The following PYGO1 variants were observed in gnomAD, a reference collection of about 807,000 sequenced individuals.
PYGO1 encodes pygopus family PHD finger 1.
PYGO1 carries 6 observed loss-of-function variants against 29.5 expected under a neutral mutation model. The ratio of observed to expected loss-of-function variants is 0.20; its 90% CI spans 0.11 to 0.40. The LOEUF is 0.40. Among genes scored for constraint, PYGO1 ranks in the 10% least tolerant of loss-of-function variants. PYGO1 has a pLI of 1.00. For synonymous variants in PYGO1, 186 were observed against 180.5 expected, an observed-to-expected ratio of 1.03 and a Z score of -0.24; for missense variants, 515 against 514.9, an observed-to-expected ratio of 1.00 and a Z score of 0.00.
intron 1 of PYGO1, among the ~76,000 whole-genome samples, chr15:55,560,423 C>T (rs1379318281): frequency 1.3e-5 from 2 of 152,100 alleles, no homozygotes; most frequent in African/African-American, 4.8e-5. Context: ...AATGAACTCC[C>T]ATTCACAATT....
intron 1 of PYGO1, among the ~76,000 whole-genome samples, chr15:55,572,551 TG>T (rs747648864): frequency 6.6e-6 from 1 of 152,048 alleles, no homozygotes; most frequent in African/African-American, 2.4e-5. Flanking sequence ...AATAAGCAAG[TG>T]GGAATACCTC....
intron 1 of PYGO1, among the ~76,000 whole-genome samples, chr15:55,560,475 AC>A: frequency 6.6e-6 from 1 of 152,162 alleles, no homozygotes; most frequent in Non-Finnish European, 1.5e-5. Context: ...CTAACAAGAG[AC>A]GTAAAGGACC....
Position 55,546,107 on chromosome 15 carries a change from A to C in PYGO1, c.1176T>G (p.Cys392Trp), listed in dbSNP as rs1324406969. The C allele has an allele frequency of 6.2e-7, 1 of 1,614,216 alleles. No individual in the cohort carries two copies. Among genetic ancestry groups the C allele is most frequent in the Non-Finnish European group, 8.5e-7 (1 of 1,180,024 alleles). ...CATCTTTGTCAGCCATACAGGTATCACAGCCCCATACTGCAGATGCTTCTG... is the reference window on the plus strand; with the variant it reads ...CATCTTTGTCAGCCATACAGGTATCCCAGCCCCATACTGCAGATGCTTCTG... ...LTAEASAVWG[C>W]DTCMADKDVQ... is the part of the protein sequence containing the mutation. The change falls in exon 3 of 3, where the codon TGT becomes TGG. Residue 392 changes from cysteine to tryptophan, a missense_variant. Coordinates refer to ENST00000563719, the MANE Select transcript of PYGO1 (RefSeq NM_001367806.1).
chr15:55,553,579 T>C (rs867466436), intron 1 of PYGO1, among the ~76,000 whole-genome samples: 6 of 152,160 alleles, frequency 3.9e-5, no homozygotes, highest in Non-Finnish European at 8.8e-5. Context: ...CACTAACTTT[T>C]TTTGTATTTT....
At chr15:55,558,755 T>C (rs2058919129) in intron 1 of PYGO1, among the ~76,000 whole-genome samples, 1 of 151,982 alleles carries the variant, frequency 6.6e-6, no homozygotes, top group Non-Finnish European at 1.5e-5. Flanking sequence ...ATTTAATAAA[T>C]GGTGCTGGGA....
Position 55,545,948 on chromosome 15 carries a change from A to G in PYGO1, c.*75T>C, listed in dbSNP as rs1476711980. The G allele has an allele frequency of 1.4e-6, 2 of 1,413,928 alleles. No individual in the cohort carries two copies. Among genetic ancestry groups the G allele is most frequent in the East Asian group, 4.6e-5 (2 of 43,224 alleles). 87.6% of individuals were successfully genotyped at this position (1,413,928 alleles called of 1,614,324 possible). On this transcript the variant is annotated 3_prime_UTR_variant, in exon 3 of 3. Transcript: ENST00000563719. ...GTGTATGCATTTAAAAAAATAATGT[A>G]AAACATTAAAATCCTGTGTCAATGA...
chr15:55,576,774 G>T (rs1239097262), intron 1 of PYGO1, among the ~76,000 whole-genome samples: 2 of 21,784 alleles, frequency 9.2e-5, no homozygotes, highest in East Asian at 6.9e-4. Flanking sequence ...AAAAAGAAGT[G>T]GGGGAAAAGA....
intron 1 of PYGO1, among the ~76,000 whole-genome samples, chr15:55,563,778 A>G (rs2058943469): frequency 6.6e-6 from 1 of 152,194 alleles, no homozygotes; most frequent in Admixed American, 6.5e-5. Flanking sequence ...CATTTCTCCA[A>G]ATAAAATACA....
chr15:55,555,313 G>C (rs2058899250), intron 1 of PYGO1, among the ~76,000 whole-genome samples: 1 of 151,868 alleles, frequency 6.6e-6, no homozygotes, highest in African/African-American at 2.4e-5. Context: ...AAACCCTGAG[G>C]GAATTCGTCA....
chr15:55,547,231 C>T, intron 2 of PYGO1, 84 bp from the exon 3 acceptor site: 23 of 1,213,622 alleles, frequency 1.9e-5, no homozygotes, highest in South Asian at 3.7e-5. Context: ...ACCTGTGAAC[C>T]TAGTATTAGT....
intron 1 of PYGO1, among the ~76,000 whole-genome samples, chr15:55,553,167 A>T (rs900779605): frequency 6.6e-6 from 1 of 152,102 alleles, no homozygotes; most frequent in Non-Finnish European, 1.5e-5. Context: ...CTGATCCATC[A>T]CTTCTCACAG....
chr15:55,558,276 G>T (rs1334566789), intron 1 of PYGO1, among the ~76,000 whole-genome samples: 1 of 150,492 alleles, frequency 6.6e-6, no homozygotes, highest in African/African-American at 2.5e-5. Context: ...AAAATACCTA[G>T]GAATCCAACT....
At position 55,542,389 on chromosome 15, in the gene PYGO1, C is replaced by A. The variant is rs562357141; in HGVS notation, c.*3634G>T. 6.6e-6 allele frequency: 1 copy of A among 152,256 alleles called. No individual in the cohort carries two copies. The highest frequency in any genetic ancestry group is 1.5e-5 in the Non-Finnish European group (1 of 68,012). The allele number at this position is 152,256 out of a possible 1,614,324, so 9.4% of individuals were successfully genotyped here. A position where few individuals can be genotyped will look rare whatever the true frequency, so the allele number is the denominator to read the frequency against. On this transcript the variant is annotated 3_prime_UTR_variant, in exon 3 of 3. Coordinates refer to ENST00000563719, the MANE Select transcript of PYGO1 (RefSeq NM_001367806.1). ...AGAATAAGCACTAGTACAAGAAAAT[C>A]TTTAGTTTTATGTATATAACCTTCT... is the stretch of plus-strand genomic sequence containing the variant.
chr15:55,567,965 T>C (rs77014880), intron 1 of PYGO1, among the ~76,000 whole-genome samples: 2,061 of 152,334 alleles, frequency 0.014, 51 homozygotes, highest in African/African-American at 0.046. Context: ...ACCAGTACCA[T>C]GCTGTTTTTG....
Position 55,571,488 on chromosome 15 carries a change from T to C in PYGO1, c.49+16347A>G, listed in dbSNP as rs1271125015. ...TGGGAGGGATCTGGTAGGAGGTAAC[T>C]GAATCATGGGGGCAGGTCTTTCCTA... On this transcript the variant is annotated intron_variant, in intron 1 of 2. Transcript: ENST00000563719. Among the ~76,000 whole-genome samples, 5 of 152,296 alleles carry C rather than the reference T, an allele frequency of 3.3e-5. No individual in the cohort carries two copies. The East Asian group carries it at 7.7e-4, about 24-fold the overall frequency.
chr15:55,573,788 C>T (rs533219469), intron 1 of PYGO1, among the ~76,000 whole-genome samples: 2 of 152,048 alleles, frequency 1.3e-5, no homozygotes, highest in African/African-American at 4.8e-5. Flanking sequence ...ACATGAAGAA[C>T]TGATTAACAA....
At chr15:55,583,181 C>G (rs1486930635) in intron 1 of PYGO1, among the ~76,000 whole-genome samples, 1 of 152,128 alleles carries the variant, frequency 6.6e-6, no homozygotes, top group Non-Finnish European at 1.5e-5. Context: ...TGATTTATGA[C>G]AATAGAAACC....
chr15:55,571,035 C>CAT (rs1418602880), intron 1 of PYGO1, among the ~76,000 whole-genome samples: 1 of 151,932 alleles, frequency 6.6e-6, no homozygotes, highest in Non-Finnish European at 1.5e-5. Flanking sequence ...TCCCCTTCTC[C>CAT]ATCCCCTATG....
At chr15:55,553,399 C>CTTT (rs199785590) in intron 1 of PYGO1, among the ~76,000 whole-genome samples, 6 of 143,314 alleles carry the variant, frequency 4.2e-5, no homozygotes, top group African/African-American at 1.5e-4. Flanking sequence ...AGACTGCTTC[C>CTTT]TTTTTTTTTT....
Sources: allele counts gnomAD v4.1 joint callset (sites outside exome capture counted in the v4.1 genomes callset), GRCh38; gene constraint gnomAD v4.1.1; transcripts MANE v1.5; gene names NCBI Gene and HGNC (gene_info 2026-07-23, HGNC 2026-07-21).